The following NME5 variants were observed in gnomAD, a reference collection of about 807,000 sequenced individuals.
The protein encoded by NME5 is nucleoside diphosphate kinase 5.
In NME5, 18 loss-of-function variants were observed where a neutral mutation model predicts 21.6. The observed-to-expected ratio is 0.83, with a 90% CI of 0.58 to 1.24. The LOEUF is 1.24. Among genes scored for constraint, NME5 ranks in the 50% most tolerant of loss-of-function variants. The pLI is 0.00. For synonymous variants in NME5, 70 were observed against 80.6 expected (o/e 0.87, Z 0.71); for missense variants, 223 against 255.4 (o/e 0.87, Z 0.86).
At chr5:138,128,929 G>A (rs2151164980) in intron 3 of NME5, among the ~76,000 whole-genome samples, 1 of 152,174 alleles carries the variant, frequency 6.6e-6, no homozygotes, top group East Asian at 1.9e-4. Context: ...TTCTGTTCCT[G>A]TATTACCATT....
chr5:138,119,236 C>T (rs937511995), intron 4 of NME5, among the ~76,000 whole-genome samples: 4 of 151,932 alleles, frequency 2.6e-5, no homozygotes, highest in South Asian at 2.1e-4. Flanking sequence ...GACAGAGTCT[C>T]GCTTTGTTGC....
chr5:138,128,575 T>A lies in NME5; in HGVS notation c.340A>T (p.Arg114Trp). 6.2e-7 allele frequency: 1 copy of A among 1,608,828 alleles called. No homozygotes were observed. Residue 114 changes from arginine (R) to tryptophan (W), a missense_variant, in exon 4 of 6, where the codon AGG becomes TGG. Coordinates refer to ENST00000265191, the MANE Select transcript of NME5 (RefSeq NM_003551.3). ...AGGTCATCTGTGCCATAAATTGCCC[T>A]CAGACTAAAAACAAGTTAGAGATGA... Reference protein sequence around the residue: ...VAKETHPDSLRAIYGTDDLRN... With the variant: ...VAKETHPDSLWAIYGTDDLRN...
At chr5:138,131,838 G>T (rs897480790) in intron 2 of NME5, among the ~76,000 whole-genome samples, 3 of 151,852 alleles carry the variant, frequency 2.0e-5, no homozygotes, top group African/African-American at 7.3e-5. Flanking sequence ...CCACTTCCTG[G>T]ATTCAAGTGA....
chr5:138,137,192 T>C (rs993678243), intron 2 of NME5, among the ~76,000 whole-genome samples: 1 of 152,206 alleles, frequency 6.6e-6, no homozygotes, highest in Non-Finnish European at 1.5e-5. Flanking sequence ...GTTATTTACC[T>C]GAGTCTTTAA....
At position 138,129,277 on chromosome 5, in the gene NME5, C is replaced by A; in HGVS notation, c.321G>T (p.Glu107Asp). The A allele has an allele frequency of 6.2e-7, 1 of 1,612,664 alleles. No homozygotes were observed. Among genetic ancestry groups the A allele is most frequent in the Non-Finnish European group, 8.5e-7 (1 of 1,178,942 alleles). The change falls in exon 3 of 6, where the codon GAG (glutamate) becomes GAT (aspartate). Residue 107 changes from glutamate (E) to aspartate (D), a missense_variant. Glu to Asp is a conservative substitution (Grantham distance 45). Transcript: ENST00000265191. Reference protein sequence around the residue: ...LGPNNSLVAKETHPDSLRAIY... With the variant: ...LGPNNSLVAKDTHPDSLRAIY... ...CTGAAAATTACCTGTCTGGATGTGT[C>A]TCCTTCGCTACTAAGCTATTATTTG...
chr5:138,135,257 G>A (rs975327428), intron 2 of NME5, among the ~76,000 whole-genome samples: 1 of 143,956 alleles, frequency 6.9e-6, no homozygotes, highest in Non-Finnish European at 1.5e-5. Context: ...GGCGGAGCTT[G>A]CCGTGAGCCG....
chr5:138,138,556 A>C (rs1751772861), intron 2 of NME5, 96 bp downstream of exon 2: 8 of 1,017,142 alleles, frequency 7.9e-6, no homozygotes, highest in Non-Finnish European at 1.2e-5. Context: ...TTAATGCTGA[A>C]CACTAAGGGT....
chr5:138,129,237 G>T, intron 3 of NME5, 26 bp downstream of exon 3: 10 of 1,475,280 alleles, frequency 6.8e-6, no homozygotes, highest in Non-Finnish European at 9.4e-6. Flanking sequence ...TCCATTCCCT[G>T]CCATCCCCCA....
chr5:138,123,934 T>C (rs946074238), intron 4 of NME5, among the ~76,000 whole-genome samples: 3 of 150,752 alleles, frequency 2.0e-5, no homozygotes, highest in Non-Finnish European at 4.4e-5. Context: ...TGAGGTGATA[T>C]CTCACCGTGG....
chr5:138,133,128 TCTCA>T (rs1335555571), intron 2 of NME5, among the ~76,000 whole-genome samples: 1 of 151,356 alleles, frequency 6.6e-6, no homozygotes, highest in Admixed American at 6.6e-5. Context: ...CGGAGTCTCA[TCTCA>T]CTCTGTCCTC....
At chr5:138,139,339 A>T (rs1026185629) in intron 1 of NME5, 32 bp downstream of exon 1, 2 of 985,698 alleles carry the variant, frequency 2.0e-6, no homozygotes, top group Non-Finnish European at 2.4e-6. Flanking sequence ...TGCACCTGCA[A>T]ATTCTGAATT....
intron 1 of NME5, chr5:138,139,107 G>C (rs984447880): frequency 5.8e-6 from 1 of 173,000 alleles, no homozygotes; most frequent in Non-Finnish European, 1.2e-5. Flanking sequence ...AGGCAGCAGA[G>C]GGCGGTGGGG....
At chr5:138,129,624 G>A (rs1469585483) in intron 2 of NME5, among the ~76,000 whole-genome samples, 156 bp from the exon 3 acceptor site, 1 of 152,178 alleles carries the variant, frequency 6.6e-6, no homozygotes, top group Non-Finnish European at 1.5e-5. Context: ...TTAAATGTAT[G>A]CTGTAAATAA....
intron 2 of NME5, among the ~76,000 whole-genome samples, chr5:138,136,332 G>A (rs1751696744): frequency 6.6e-6 from 1 of 152,186 alleles, no homozygotes; most frequent in Non-Finnish European, 1.5e-5. Context: ...TAGGGGTTGT[G>A]CCATTTACTT....
chr5:138,127,403 CA>C, intron 4 of NME5: 12 of 895,828 alleles, frequency 1.3e-5, no homozygotes, highest in African/African-American at 1.8e-5. Flanking sequence ...GTGAAATCTC[CA>C]AAAAAAAGAA....
At chr5:138,120,124 G>T (rs1751250505) in intron 4 of NME5, among the ~76,000 whole-genome samples, 1 of 150,254 alleles carries the variant, frequency 6.7e-6, no homozygotes, top group African/African-American at 2.5e-5. Context: ...AGTGTTTAGA[G>T]ACAGGGTGTC....
chr5:138,122,209 C>T (rs559770537), intron 4 of NME5, among the ~76,000 whole-genome samples: 37 of 151,972 alleles, frequency 2.4e-4, no homozygotes, highest in African/African-American at 8.7e-4. Flanking sequence ...GAGGCCAAGG[C>T]GGGTGGATCA....
chr5:138,125,555 A>G lies in NME5; in HGVS notation c.436+2924T>C, dbSNP rs1751379225. Among the ~76,000 whole-genome samples, 8 of 152,268 alleles carry G rather than the reference A, an allele frequency of 5.3e-5. No homozygotes were observed. In the South Asian group the frequency reaches 1.7e-3, roughly 32 times the overall value. On this transcript the variant is annotated intron_variant, in intron 4 of 5. Transcript: ENST00000265191. ...GATTGCACCATTGCATTCCATCTGG[A>G]GTGACATGGAGAGACCCTGTGACCA...
intron 5 of NME5, among the ~76,000 whole-genome samples, chr5:138,118,426 T>C (rs1751211010): frequency 6.6e-6 from 1 of 151,134 alleles, no homozygotes; most frequent in Non-Finnish European, 1.5e-5. Flanking sequence ...CGCCCAGCTA[T>C]ATTCGCAGTA....
Sources: gnomAD v4.1 joint callset for allele counts (sites outside exome capture counted in the v4.1 genomes callset) on GRCh38, gnomAD v4.1.1 for gene constraint, MANE v1.5 for transcripts, NCBI Gene and HGNC (gene_info 2026-07-23, HGNC 2026-07-21) for gene names.